Variants in CSMD1 observed in about 807,000 individuals in gnomAD.
The protein encoded by CSMD1 is CUB and sushi domain-containing protein 1.
Under a neutral mutation model 417.5 loss-of-function variants are expected in CSMD1, and 213 were observed. The ratio of observed to expected loss-of-function variants is 0.51; its 90% confidence interval spans 0.46 to 0.57. The LOEUF (loss-of-function observed/expected upper bound fraction) is 0.57, where lower values mean the gene tolerates loss of function less well. Among genes scored for constraint, CSMD1 ranks in the 20% least tolerant of loss-of-function variants. The pLI, the probability that CSMD1 is intolerant of heterozygous loss-of-function variation, is 0.00. For missense variants in CSMD1, 6,923 were observed against 4,529.7 expected, an observed-to-expected ratio of 1.53 and a Z score of -15.17; for synonymous variants, 2,862 against 1,736.8, an observed-to-expected ratio of 1.65 and a Z score of -16.11.
chr8:3,050,103 C>CT (rs1811718175), intron 50 of CSMD1, among the ~76,000 whole-genome samples: 1 of 134,206 alleles, frequency 7.5e-6, no homozygotes, highest in African/African-American at 2.7e-5. Flanking sequence ...ACCTAGAGAA[C>CT]TTAAAAAAAA....
intron 7 of CSMD1, among the ~76,000 whole-genome samples, chr8:3,671,037 G>A (rs182437593): frequency 2.2e-5 from 3 of 134,650 alleles, no homozygotes; most frequent in African/African-American, 5.2e-5. Flanking sequence ...TATGCATATG[G>A]GATATATATG....
At chr8:2,996,252 T>C (rs961340649) in intron 54 of CSMD1, among the ~76,000 whole-genome samples, 1 of 152,204 alleles carries the variant, frequency 6.6e-6, no homozygotes, top group African/African-American at 2.4e-5. Flanking sequence ...ATATTTTACA[T>C]ATTCCATATA....
chr8:3,230,773 T>G (rs973629396), intron 26 of CSMD1, among the ~76,000 whole-genome samples: 1 of 152,170 alleles, frequency 6.6e-6, no homozygotes, highest in South Asian at 2.1e-4. Flanking sequence ...AAATTATTAA[T>G]AACCCCCTTT....
chr8:3,618,829 G>C (rs1452839997), intron 7 of CSMD1, among the ~76,000 whole-genome samples: 1 of 152,198 alleles, frequency 6.6e-6, no homozygotes, highest in Non-Finnish European at 1.5e-5. Flanking sequence ...GCGTGGCACA[G>C]TGCAGTTGAG....
At chr8:3,394,037 TATATATATATATATATATAG>T (rs1811534429) in intron 17 of CSMD1, among the ~76,000 whole-genome samples, 1 of 97,420 alleles carries the variant, frequency 1.0e-5, no homozygotes, top group African/African-American at 3.8e-5. Flanking sequence ...TATATATATA[TATATATATATATATATATAG>T]AAAAAAAGAA....
At chr8:3,896,509 T>C (rs1807376460) in intron 5 of CSMD1, among the ~76,000 whole-genome samples, 1 of 151,118 alleles carries the variant, frequency 6.6e-6, no homozygotes, top group African/African-American at 2.4e-5. Flanking sequence ...TTATTACTAT[T>C]ATTATTATTA....
At chr8:3,288,433 C>G (rs944224948) in intron 25 of CSMD1, among the ~76,000 whole-genome samples, 3 of 146,916 alleles carry the variant, frequency 2.0e-5, no homozygotes, top group Admixed American at 6.7e-5. Context: ...TGGTCCTGGA[C>G]TTTTTTTGGT....
chr8:4,189,987 G>A (rs1798919170), intron 3 of CSMD1, among the ~76,000 whole-genome samples: 1 of 151,714 alleles, frequency 6.6e-6, no homozygotes, highest in South Asian at 2.1e-4. Context: ...CGCCAGGTGT[G>A]GTGGCTCACG....
intron 17 of CSMD1, among the ~76,000 whole-genome samples, chr8:3,394,056 A>ATATATG (rs1491514580): frequency 8.3e-6 from 1 of 119,984 alleles, no homozygotes; most frequent in East Asian, 2.3e-4. Context: ...ATATATATAT[A>ATATATG]GAAAAAAAGA....
intron 10 of CSMD1, among the ~76,000 whole-genome samples, chr8:3,518,296 G>A (rs2117436220): frequency 6.6e-6 from 1 of 152,204 alleles, no homozygotes; most frequent in South Asian, 2.1e-4. Flanking sequence ...ATTATTTCAT[G>A]CAGCCAAAAG....
intron 37 of CSMD1, among the ~76,000 whole-genome samples, chr8:3,168,747 T>C (rs530154739): frequency 2.6e-5 from 4 of 152,280 alleles, no homozygotes; most frequent in South Asian, 2.1e-4. Context: ...ATTTAGATTG[T>C]AGAGGTAAAA....
intron 3 of CSMD1, among the ~76,000 whole-genome samples, chr8:4,047,007 T>A (rs958888342): frequency 6.6e-6 from 1 of 152,186 alleles, no homozygotes; most frequent in Non-Finnish European, 1.5e-5. Flanking sequence ...ATGCATGACT[T>A]AGCCCTATAG....
At position 3,923,150 on chromosome 8, in the gene CSMD1, C is replaced by T. The variant is rs185731861; in HGVS notation, c.818+74753G>A. Among the ~76,000 whole-genome samples the T allele has an allele frequency of 3.0e-3, 456 of 152,206 alleles. 1 individual carries two copies. The highest frequency in any genetic ancestry group is 0.01 in the African/African-American group (436 of 41,550). On this transcript the variant is annotated intron_variant, in intron 5 of 69. Transcript: ENST00000635120. ...AAAAGAGAGCTAGGGTCCCAGACCA[C>T]GCCGAAGCTTCATGAGACCTCTCCT...
chr8:4,008,433 C>A (rs898066105), intron 4 of CSMD1, among the ~76,000 whole-genome samples: 1 of 151,366 alleles, frequency 6.6e-6, no homozygotes, highest in Non-Finnish European at 1.5e-5. Context: ...TATTTGGAAT[C>A]TGAAATTTGG....
chr8:4,218,226 G>A (rs887610498), intron 3 of CSMD1, among the ~76,000 whole-genome samples: 1 of 152,142 alleles, frequency 6.6e-6, no homozygotes, highest in Non-Finnish European at 1.5e-5. Flanking sequence ...TTCATTTTAT[G>A]AGTATCCCAG....
chr8:4,271,833 G>C (rs1397945643), intron 3 of CSMD1, among the ~76,000 whole-genome samples: 1 of 152,040 alleles, frequency 6.6e-6, no homozygotes, highest in Non-Finnish European at 1.5e-5. Context: ...CTTGGTCCTG[G>C]CAGCGCTATT....
At chr8:3,139,696 T>C (rs532153311) in intron 41 of CSMD1, among the ~76,000 whole-genome samples, 1 of 152,038 alleles carries the variant, frequency 6.6e-6, no homozygotes, top group African/African-American at 2.4e-5. Context: ...TAAATAGATA[T>C]GTACGTGTGT....
intron 54 of CSMD1, among the ~76,000 whole-genome samples, chr8:2,984,891 G>A (rs1411740048): frequency 2.0e-5 from 3 of 152,256 alleles, no homozygotes; most frequent in Admixed American, 6.5e-5. Context: ...AATCCAACAC[G>A]TTTGACTACA....
At chr8:4,056,584 TGCAGG>T in intron 3 of CSMD1, among the ~76,000 whole-genome samples, 1 of 152,012 alleles carries the variant, frequency 6.6e-6, no homozygotes, top group Non-Finnish European at 1.5e-5. Context: ...GTGCACAATG[TGCAGG>T]TAAGTTACCT....
Sources: allele counts gnomAD v4.1 joint callset (sites outside exome capture counted in the v4.1 genomes callset), GRCh38; gene constraint gnomAD v4.1.1; transcripts MANE v1.5; gene names NCBI Gene and HGNC (gene_info 2026-07-23, HGNC 2026-07-21).